The following RGS6 variants were observed in gnomAD, a reference collection of about 807,000 sequenced individuals.
RGS6 encodes regulator of G-protein signaling 6.
RGS6 carries 30 observed loss-of-function variants against 78.5 expected under a neutral mutation model. The observed-to-expected ratio is 0.38, with a 90% CI of 0.29 to 0.52. RGS6 has a LOEUF of 0.52. RGS6 is among the 20% of genes least tolerant of loss of function. The pLI, the probability that RGS6 is intolerant of heterozygous loss-of-function variation, is 0.85. For missense variants in RGS6, 495 were observed against 609.7 expected (o/e 0.81, Z 1.98); for synonymous variants, 206 against 206.0 (o/e 1.00, Z 0.00).
intron 2 of RGS6, among the ~76,000 whole-genome samples, chr14:72,136,564 T>C (rs981411103): frequency 3.3e-5 from 5 of 151,968 alleles, no homozygotes; most frequent in Admixed American, 3.3e-4. Flanking sequence ...AACCGTAAGA[T>C]TTCACGAGAC....
chr14:71,993,987 G>C (rs2095082682), intron 2 of RGS6, among the ~76,000 whole-genome samples: 1 of 151,408 alleles, frequency 6.6e-6, no homozygotes, highest in African/African-American at 2.4e-5. Flanking sequence ...GGCCACCAAA[G>C]TTACATCTAG....
intron 3 of RGS6, among the ~76,000 whole-genome samples, chr14:72,418,335 T>G (rs979808374): frequency 6.6e-6 from 1 of 152,028 alleles, no homozygotes; most frequent in Non-Finnish European, 1.5e-5. Context: ...GCCGGCTAAT[T>G]TTTGTATTTT....
At chr14:72,520,013 C>G (rs893232053) in intron 15 of RGS6, among the ~76,000 whole-genome samples, 2 of 152,006 alleles carry the variant, frequency 1.3e-5, no homozygotes, top group African/African-American at 4.8e-5. Context: ...ATTTATAGAC[C>G]CTCATCCAGC....
At chr14:72,621,812 A>G in the RGS6 span, among the ~76,000 whole-genome samples, 1 of 152,226 alleles carries the variant, frequency 6.6e-6, no homozygotes, top group Admixed American at 6.5e-5. Context: ...GTGATAGGGA[A>G]GAAGCCAAGG....
intron 2 of RGS6, among the ~76,000 whole-genome samples, chr14:72,041,890 GA>G (rs2092434703): frequency 6.6e-6 from 1 of 152,046 alleles, no homozygotes; most frequent in East Asian, 1.9e-4. Flanking sequence ...CAGTGTATGA[GA>G]GTAGAAATGT....
At chr14:72,366,218 A>G (rs2152814017) in intron 3 of RGS6, among the ~76,000 whole-genome samples, 1 of 152,300 alleles carries the variant, frequency 6.6e-6, no homozygotes, top group East Asian at 1.9e-4. Context: ...TCAGATCAGG[A>G]CAAACTCATA....
chr14:72,216,659 A>G (rs74431112), intron 2 of RGS6, among the ~76,000 whole-genome samples: 4,351 of 152,318 alleles, frequency 0.029, 226 homozygotes, highest in African/African-American at 0.1. Flanking sequence ...TCAAAATGAC[A>G]CTTCCTGCCT....
intron 2 of RGS6, among the ~76,000 whole-genome samples, chr14:72,005,439 C>CTCTATCTATCTATCTATCTATCTA (rs148163713): frequency 0.1 from 14,471 of 143,508 alleles, 758 homozygotes; most frequent in East Asian, 0.21. Context: ...ACCTGCATAT[C>CTCTATCTATCTATCTATCTATCTA]TCTATCTATC....
chr14:72,418,984 A>G (rs1047710541), intron 3 of RGS6, among the ~76,000 whole-genome samples: 3 of 152,208 alleles, frequency 2.0e-5, no homozygotes, highest in Non-Finnish European at 2.9e-5. Context: ...TTGCCAAACT[A>G]AGATTTGCTG....
chr14:72,019,944 G>A (rs543417037), intron 2 of RGS6, among the ~76,000 whole-genome samples: 1 of 152,344 alleles, frequency 6.6e-6, no homozygotes, highest in East Asian at 1.9e-4. Context: ...ATTACCTGAT[G>A]CTACCTGAGA....
intron 1 of RGS6, among the ~76,000 whole-genome samples, chr14:71,946,969 A>T (rs2091616252): frequency 1.3e-5 from 2 of 152,232 alleles, no homozygotes; most frequent in African/African-American, 2.4e-5. Flanking sequence ...AAAGTAGATT[A>T]TGAGTGACAT....
At chr14:72,336,184 C>T (rs184002256) in intron 2 of RGS6, among the ~76,000 whole-genome samples, 1 of 152,336 alleles carries the variant, frequency 6.6e-6, no homozygotes, top group East Asian at 1.9e-4. Context: ...AACTATATAT[C>T]TATGCCATAA....
chr14:72,466,497 A>G (rs1477070948), intron 7 of RGS6, among the ~76,000 whole-genome samples: 2 of 152,228 alleles, frequency 1.3e-5, no homozygotes, highest in African/African-American at 4.8e-5. Flanking sequence ...GCACTTTAAC[A>G]GTTGAATGGT....
chr14:72,419,540 A>G (rs1467791342), intron 3 of RGS6, among the ~76,000 whole-genome samples: 1 of 152,200 alleles, frequency 6.6e-6, no homozygotes, highest in Non-Finnish European at 1.5e-5. Flanking sequence ...TCGAGCCCAG[A>G]TGCTCTGCAC....
At chr14:71,874,579 C>A in the RGS6 span, among the ~76,000 whole-genome samples, 1 of 152,204 alleles carries the variant, frequency 6.6e-6, no homozygotes, top group Non-Finnish European at 1.5e-5. Flanking sequence ...ACAATCATAT[C>A]ATCTGCAAAC....
chr14:72,402,889 T>G (rs1596936898), intron 3 of RGS6, among the ~76,000 whole-genome samples: 2 of 142,102 alleles, frequency 1.4e-5, no homozygotes, highest in Middle Eastern at 6.8e-3. Flanking sequence ...CTCCATCTCC[T>G]GGGTTCAAGT....
the RGS6 span, among the ~76,000 whole-genome samples, chr14:72,625,768 T>A: frequency 6.6e-6 from 1 of 152,202 alleles, no homozygotes; most frequent in East Asian, 1.9e-4. Context: ...GTATGTAAAA[T>A]CATGAATTCA....
the RGS6 span, among the ~76,000 whole-genome samples, chr14:72,622,996 G>A: frequency 2.0e-5 from 3 of 152,218 alleles, no homozygotes; most frequent in Non-Finnish European, 4.4e-5. Context: ...GCAGCTGTAG[G>A]AAGGAATGAA....
chr14:72,376,317 TTAAA>T, intron 3 of RGS6, among the ~76,000 whole-genome samples: 1 of 152,142 alleles, frequency 6.6e-6, no homozygotes, highest in African/African-American at 2.4e-5. Flanking sequence ...ATAGATGAAA[TTAAA>T]TAAATAATAA....
Sources: allele counts gnomAD v4.1 joint callset (sites outside exome capture counted in the v4.1 genomes callset), GRCh38; gene constraint gnomAD v4.1.1; transcripts MANE v1.5; gene names NCBI Gene and HGNC (gene_info 2026-07-23, HGNC 2026-07-21).